The following DEPTOR variants were observed in gnomAD, a reference collection of about 807,000 sequenced individuals.
The protein encoded by DEPTOR is DEP domain-containing mTOR-interacting protein.
DEPTOR carries 41 observed loss-of-function variants against 41.6 expected under a neutral mutation model. That is an observed-to-expected ratio of 0.98 (90% CI 0.77 to 1.28). DEPTOR has a LOEUF of 1.28. DEPTOR is among the 50% of genes most tolerant of loss of function. The probability of loss-of-function intolerance (pLI) is 0.00; values close to 1 mark genes in which losing one functional copy is unlikely to be tolerated. For missense variants in DEPTOR, 514 were observed against 527.9 expected (o/e 0.97, Z 0.26); for synonymous variants, 195 against 192.3 (o/e 1.01, Z -0.12).
intron 3 of DEPTOR, among the ~76,000 whole-genome samples, chr8:119,954,502 T>C (rs935151157): frequency 3.9e-5 from 6 of 152,192 alleles, no homozygotes; most frequent in Non-Finnish European, 8.8e-5. Context: ...TTTAAAGCTC[T>C]CTTTCTAAAT....
At chr8:119,931,765 G>C (rs529910288) in intron 3 of DEPTOR, among the ~76,000 whole-genome samples, 6 of 152,046 alleles carry the variant, frequency 3.9e-5, no homozygotes, top group Non-Finnish European at 8.8e-5. Flanking sequence ...TTGAACATGT[G>C]CATTTGTTTT....
intron 1 of DEPTOR, among the ~76,000 whole-genome samples, chr8:119,914,145 A>T (rs146366668): frequency 6.6e-6 from 1 of 151,040 alleles, no homozygotes; most frequent in Admixed American, 6.6e-5. Context: ...TCCTGGGTTC[A>T]AGCGATTCTC....
rs769323287 is a variant in DEPTOR at position 120,006,834 on chromosome 8, C to G, written c.955C>G (p.Leu319Val). 2 of 1,614,186 alleles carry G rather than the reference C, an allele frequency of 1.2e-6. No individual in the cohort carries two copies. Among genetic ancestry groups the G allele is most frequent in the Admixed American group, 3.3e-5 (2 of 60,018 alleles). ...VLKRPVTSEE[L>V]LTPGAPYARK... ...GAAGAGACCTGTCACCTCTGAGGAA[C>G]TCCTTACTCCCGGGGCTCCGTATGC... is the stretch of plus-strand genomic sequence containing the variant. Residue 319 changes from leucine to valine, a missense_variant, in exon 7 of 9, where the codon CTC (leucine) becomes GTC (valine). Leu to Val is a conservative substitution (Grantham distance 32). Transcript: ENST00000286234.
At chr8:119,943,964 A>T (rs978250358) in intron 3 of DEPTOR, among the ~76,000 whole-genome samples, 8 of 151,936 alleles carry the variant, frequency 5.3e-5, no homozygotes, top group Non-Finnish European at 7.4e-5. Context: ...CAGCCTCCCG[A>T]GTAGCTGGGA....
chr8:119,890,836 C>T (rs1415881885), intron 1 of DEPTOR, among the ~76,000 whole-genome samples: 2 of 152,018 alleles, frequency 1.3e-5, no homozygotes, highest in East Asian at 1.9e-4. Context: ...CCAGGCCTCT[C>T]AGAATACATA....
intron 8 of DEPTOR, among the ~76,000 whole-genome samples, chr8:120,020,879 C>A (rs1002618934): frequency 6.6e-6 from 1 of 151,630 alleles, no homozygotes; most frequent in Non-Finnish European, 1.5e-5. Flanking sequence ...GCCAATGTGG[C>A]GAAACGCTGT....
chr8:120,018,627 A>G (rs1812648541), intron 8 of DEPTOR, among the ~76,000 whole-genome samples: 1 of 152,174 alleles, frequency 6.6e-6, no homozygotes, highest in Admixed American at 6.5e-5. Context: ...GGAAAGTCAT[A>G]TGGGATAAAC....
chr8:119,885,434 A>G (rs772563796), intron 1 of DEPTOR, among the ~76,000 whole-genome samples: 3 of 152,206 alleles, frequency 2.0e-5, no homozygotes, highest in Non-Finnish European at 2.9e-5. Context: ...TACCTAATGT[A>G]TGACTCTGAT....
chr8:120,000,745 G>A (rs996623529), intron 4 of DEPTOR, among the ~76,000 whole-genome samples: 2 of 151,644 alleles, frequency 1.3e-5, no homozygotes, highest in African/African-American at 4.8e-5. Context: ...TTACAAGCTT[G>A]AGCCACCGCA....
intron 8 of DEPTOR, among the ~76,000 whole-genome samples, chr8:120,024,718 A>G (rs1812772933): frequency 6.6e-6 from 1 of 152,202 alleles, no homozygotes; most frequent in South Asian, 2.1e-4. Flanking sequence ...CCCTAGAGCC[A>G]TCAGAGGGAG....
intron 8 of DEPTOR, among the ~76,000 whole-genome samples, chr8:120,019,080 G>A (rs1812656717): frequency 6.6e-6 from 1 of 152,058 alleles, no homozygotes; most frequent in Non-Finnish European, 1.5e-5. Context: ...TGAGGCGGAC[G>A]GACCACTTGA....
chr8:119,922,095 T>C lies in DEPTOR; in HGVS notation c.123-6305T>C, dbSNP rs925896318. Among the ~76,000 whole-genome samples the C allele has an allele frequency of 2.0e-5, 3 of 151,796 alleles. No homozygotes were observed. The South Asian group carries it at 6.2e-4, about 32-fold the overall frequency. The stretch of plus-strand genomic sequence containing the variant: ...TCTCCTAAAAATACAAAAAATTAGC[T>C]GGGCATGGTGGCGGGCACCTGTAAT... On this transcript the variant is annotated intron_variant, in intron 1 of 8. Transcript: ENST00000286234.
chr8:119,991,092 C>T (rs542815654), intron 4 of DEPTOR, among the ~76,000 whole-genome samples: 55 of 55,518 alleles, frequency 9.9e-4, no homozygotes, highest in Admixed American at 4.5e-3. Flanking sequence ...CTTTCTTTTT[C>T]TTTCTTTCTT....
chr8:119,880,088 G>A (rs983392103), intron 1 of DEPTOR, among the ~76,000 whole-genome samples: 6 of 151,882 alleles, frequency 4.0e-5, no homozygotes, highest in African/African-American at 1.5e-4. Context: ...GTTGCAGTGA[G>A]CCGAGATTGC....
At position 120,025,814 on chromosome 8, in the gene DEPTOR, A is replaced by G. The variant is rs189478680; in HGVS notation, c.1101+16681A>G. 3.3e-5 allele frequency among the ~76,000 whole-genome samples: 5 copies of G among 151,672 alleles called. No individual in the cohort carries two copies. In the East Asian group the frequency reaches 9.8e-4, roughly 30 times the overall value. On this transcript the variant is annotated intron_variant, in intron 8 of 8. Transcript: ENST00000286234. ...TCATCCATTCCCCACCAAGCAACCA[A>G]AGGAAATCAGGAAATGATGCCACAC...
In DEPTOR at chr8:120,049,739, G is replaced by A. The variant is rs531476050; in HGVS notation, c.*35G>A. ...CCTCCCAGCCCTCCAGTGGCCTGTG[G>A]GTGAGGGAAGCCAGAATGACACAAA... On this transcript the variant is annotated 3_prime_UTR_variant, in exon 9 of 9. Coordinates refer to ENST00000286234, the MANE Select transcript of DEPTOR (RefSeq NM_022783.4). 1.2e-6 allele frequency: 2 copies of A among 1,610,852 alleles called. No individual in the cohort carries two copies. Among genetic ancestry groups the A allele is most frequent in the East Asian group, 4.5e-5 (2 of 44,766 alleles).
At chr8:119,924,830 C>T (rs1827943921) in intron 1 of DEPTOR, among the ~76,000 whole-genome samples, 1 of 152,068 alleles carries the variant, frequency 6.6e-6, no homozygotes, top group Admixed American at 6.6e-5. Context: ...CAGATTATTT[C>T]GCCACCCAGG....
At position 120,042,228 on chromosome 8, in the gene DEPTOR, G is replaced by A. The variant is rs566163305; in HGVS notation, c.1102-7348G>A. ...GCCCGCCATTCAGAGGTAGTCACGCGTTCTGTGTGTTTGTGCCTGTGTGCT... is the reference window on the plus strand; with the variant it reads ...GCCCGCCATTCAGAGGTAGTCACGCATTCTGTGTGTTTGTGCCTGTGTGCT... On this transcript the variant is annotated intron_variant, in intron 8 of 8. Transcript: ENST00000286234. 6.6e-5 allele frequency among the ~76,000 whole-genome samples: 10 copies of A among 152,232 alleles called. 1 individual carries two copies. In the South Asian group the frequency reaches 1.7e-3, roughly 25 times the overall value.
intron 3 of DEPTOR, among the ~76,000 whole-genome samples, chr8:119,945,664 T>C (rs1327014332): frequency 6.6e-6 from 1 of 152,200 alleles, no homozygotes; most frequent in Non-Finnish European, 1.5e-5. Flanking sequence ...GTTCAGCATG[T>C]TTTGAATCCA....
Sources: gnomAD v4.1 joint callset for allele counts (sites outside exome capture counted in the v4.1 genomes callset) on GRCh38, gnomAD v4.1.1 for gene constraint, MANE v1.5 for transcripts, NCBI Gene and HGNC (gene_info 2026-07-23, HGNC 2026-07-21) for gene names.